Variants in LHFPL7 observed in about 807,000 individuals in gnomAD.
The protein encoded by LHFPL7 is LHFPL tetraspan subfamily member 7 protein.
the LHFPL7 span, chr22:24,935,123 C>T: frequency 8.3e-6 from 5 of 605,762 alleles, no homozygotes; most frequent in African/African-American, 9.2e-5. Flanking sequence ...TTTATTTACA[C>T]AGAGCATCTC....
chr22:24,940,763 C>CTCCT, the LHFPL7 span, among the ~76,000 whole-genome samples: 1 of 142,758 alleles, frequency 7.0e-6, no homozygotes, highest in South Asian at 2.4e-4. Context: ...CCCTCCCTCC[C>CTCCT]TCCTTCCTTC....
the LHFPL7 span, among the ~76,000 whole-genome samples, chr22:24,941,084 A>T: frequency 6.6e-6 from 1 of 150,776 alleles, no homozygotes; most frequent in Admixed American, 6.6e-5. Context: ...TTAATTATTT[A>T]ATGTATGTCA....
the LHFPL7 span, chr22:24,946,456 T>A: frequency 7.6e-6 from 1 of 131,510 alleles, no homozygotes; most frequent in Non-Finnish European, 1.6e-5. Flanking sequence ...TGTATGTCAT[T>A]TCAGAGGCTC....
the LHFPL7 span, among the ~76,000 whole-genome samples, chr22:24,940,524 A>G: frequency 6.7e-6 from 1 of 150,332 alleles, no homozygotes; most frequent in Non-Finnish European, 1.5e-5. Flanking sequence ...TGAACCCGGG[A>G]GGCGGAGCTT....
the LHFPL7 span, among the ~76,000 whole-genome samples, chr22:24,935,823 C>T: frequency 6.6e-6 from 1 of 152,114 alleles, no homozygotes; most frequent in African/African-American, 2.4e-5. Context: ...CTCTTACCCA[C>T]TTATTTTCTC....
the LHFPL7 span, among the ~76,000 whole-genome samples, chr22:24,945,098 G>A: frequency 7.2e-5 from 11 of 152,184 alleles, no homozygotes; most frequent in East Asian, 1.9e-4. Context: ...GTGAGCCACC[G>A]CGCCTGGCCG....
the LHFPL7 span, chr22:24,939,249 C>A: frequency 1.4e-6 from 1 of 695,502 alleles, no homozygotes; most frequent in South Asian, 1.5e-5. Flanking sequence ...GGAAAGCCTC[C>A]TCGAATTCCG....
the LHFPL7 span, among the ~76,000 whole-genome samples, chr22:24,941,596 A>G: frequency 2.7e-4 from 31 of 114,046 alleles, no homozygotes; most frequent in Non-Finnish European, 4.3e-4. Context: ...GATTTTGCGT[A>G]TATTTGTTTT....
At chr22:24,940,489 G>C in the LHFPL7 span, among the ~76,000 whole-genome samples, 114 of 151,246 alleles carry the variant, frequency 7.5e-4, no homozygotes, top group African/African-American at 2.6e-3. Flanking sequence ...CCAGCTACTT[G>C]GGAGGCTGAG....
chr22:24,937,060 A>C, the LHFPL7 span, among the ~76,000 whole-genome samples: 1 of 152,244 alleles, frequency 6.6e-6, no homozygotes, highest in Non-Finnish European at 1.5e-5. Context: ...GCAGACAGAC[A>C]TGTCCTTCTC....
the LHFPL7 span, among the ~76,000 whole-genome samples, chr22:24,941,461 G>A: frequency 6.6e-6 from 1 of 152,130 alleles, no homozygotes; most frequent in African/African-American, 2.4e-5. Context: ...CCTTGAAGCA[G>A]ATCCCAAGGG....
chr22:24,939,102 C>T, the LHFPL7 span, among the ~76,000 whole-genome samples: 12 of 152,156 alleles, frequency 7.9e-5, no homozygotes, highest in Non-Finnish European at 1.5e-4. Context: ...ACAGGGGCTC[C>T]GGGTGGAGCA....
chr22:24,936,336 A>G, the LHFPL7 span, among the ~76,000 whole-genome samples: 6 of 151,820 alleles, frequency 4.0e-5, no homozygotes, highest in African/African-American at 1.4e-4. Flanking sequence ...AATTTTTCCT[A>G]TCCTTGCATC....
the LHFPL7 span, chr22:24,939,423 G>A: frequency 1.0e-4 from 72 of 703,010 alleles, no homozygotes; most frequent in African/African-American, 1.7e-5. Context: ...GGAGCAGTAG[G>A]TGAGGATGCC....
At chr22:24,943,426 G>A in the LHFPL7 span, among the ~76,000 whole-genome samples, 4 of 152,168 alleles carry the variant, frequency 2.6e-5, no homozygotes, top group African/African-American at 7.2e-5. Flanking sequence ...GAAAGGGACT[G>A]AATATTTTCT....
At chr22:24,935,493 C>T in the LHFPL7 span, 4 of 1,613,866 alleles carry the variant, frequency 2.5e-6, no homozygotes, top group Non-Finnish European at 2.5e-6. Context: ...ACCCAGCCGG[C>T]ACTTCCCACC....
At chr22:24,941,662 T>C in the LHFPL7 span, among the ~76,000 whole-genome samples, 2 of 151,836 alleles carry the variant, frequency 1.3e-5, no homozygotes, top group African/African-American at 4.8e-5. Flanking sequence ...ATTTTTTTGT[T>C]TGTTTGTTTG....
the LHFPL7 span, among the ~76,000 whole-genome samples, chr22:24,942,416 A>G: frequency 6.6e-6 from 1 of 152,270 alleles, no homozygotes; most frequent in Non-Finnish European, 1.5e-5. Context: ...CAATCCTGCC[A>G]TTGATGGCCA....
the LHFPL7 span, chr22:24,939,251 C>A: frequency 1.4e-6 from 1 of 695,784 alleles, no homozygotes. Flanking sequence ...AAAGCCTCCT[C>A]GAATTCCGCT....
Sources: gnomAD v4.1 joint callset for allele counts (sites outside exome capture counted in the v4.1 genomes callset) on GRCh38, gnomAD v4.1.1 for gene constraint, MANE v1.5 for transcripts, NCBI Gene and HGNC (gene_info 2026-07-23, HGNC 2026-07-21) for gene names.